Variants in ATP9A observed in about 807,000 individuals in gnomAD.
The protein encoded by ATP9A is probable phospholipid-transporting ATPase IIA.
ATP9A carries 52 observed loss-of-function variants against 144.1 expected under a neutral mutation model. That is an observed-to-expected ratio of 0.36 (90% CI 0.29 to 0.45). The LOEUF (loss-of-function observed/expected upper bound fraction) is 0.45. Ranked by LOEUF, ATP9A falls within the 20% of genes least tolerant of loss-of-function variation. The pLI is 1.00. For synonymous variants in ATP9A, 582 were observed against 557.4 expected (o/e 1.04, Z -0.62); for missense variants, 947 against 1,392.7 (o/e 0.68, Z 5.09).
intron 9 of ATP9A, among the ~76,000 whole-genome samples, chr20:51,682,406 C>T (rs78670050): frequency 0.02 from 3,085 of 151,940 alleles, 108 homozygotes; most frequent in African/African-American, 0.07. Flanking sequence ...GAGATGAGCA[C>T]ATGACAGGTA....
At chr20:51,700,191 C>G (rs2077587547) in intron 4 of ATP9A, among the ~76,000 whole-genome samples, 1 of 152,142 alleles carries the variant, frequency 6.6e-6, no homozygotes, top group South Asian at 2.1e-4. Flanking sequence ...AATACATTTA[C>G]AGAGAGACTG....
At chr20:51,711,979 C>T (rs759894069) in intron 4 of ATP9A, among the ~76,000 whole-genome samples, 5 of 151,140 alleles carry the variant, frequency 3.3e-5, no homozygotes, top group South Asian at 4.2e-4. Context: ...CCTCAGCCTC[C>T]GGAGTAGCTG....
intron 15 of ATP9A, among the ~76,000 whole-genome samples, chr20:51,638,558 G>A (rs1028303577): frequency 1.3e-5 from 2 of 152,042 alleles, no homozygotes; most frequent in Admixed American, 6.5e-5. Flanking sequence ...TGTGATCTCC[G>A]TGGGTAAAAA....
In ATP9A at chr20:51,732,127, G is replaced by A. The variant is rs547297577; in HGVS notation, c.69-2149C>T. ...CAGGTCACCCTCCCACGAGGCAAAGGAACACCTAGGAATCTGGGCTGCTCT... is the reference window on the plus strand; with the variant it reads ...CAGGTCACCCTCCCACGAGGCAAAGAAACACCTAGGAATCTGGGCTGCTCT... On this transcript the variant is annotated intron_variant, in intron 1 of 27. Transcript: ENST00000338821. 4.6e-5 allele frequency among the ~76,000 whole-genome samples: 7 copies of A among 152,236 alleles called. No individual in the cohort carries two copies. In the South Asian group the frequency reaches 6.2e-4, roughly 14 times the overall value.
chr20:51,673,535 C>T (rs546631234), intron 11 of ATP9A, among the ~76,000 whole-genome samples: 1 of 152,290 alleles, frequency 6.6e-6, no homozygotes, highest in East Asian at 1.9e-4. Context: ...CAAAATCCTT[C>T]TCAACACAGC....
At chr20:51,702,909 T>C (rs1277939234) in intron 4 of ATP9A, among the ~76,000 whole-genome samples, 1 of 152,124 alleles carries the variant, frequency 6.6e-6, no homozygotes, top group East Asian at 1.9e-4. Flanking sequence ...GCAGGAACTC[T>C]CCCTACAATT....
At chr20:51,697,123 GA>G (rs1568825449) in intron 5 of ATP9A, among the ~76,000 whole-genome samples, 3 of 152,094 alleles carry the variant, frequency 2.0e-5, no homozygotes. Context: ...AAAACTTTAT[GA>G]TATTTTTTAT....
At chr20:51,637,306 TA>T (rs3029335) in intron 15 of ATP9A, among the ~76,000 whole-genome samples, 24,668 of 89,316 alleles carry the variant, frequency 0.28, 2,968 homozygotes, top group Middle Eastern at 0.3. Flanking sequence ...TCCCTAACAT[TA>T]AAAAAAAAAA....
chr20:51,760,532 G>C (rs1382149242), intron 1 of ATP9A, among the ~76,000 whole-genome samples: 1 of 151,412 alleles, frequency 6.6e-6, no homozygotes, highest in East Asian at 2.0e-4. Flanking sequence ...TTCGAGACTA[G>C]CCTGGCCAAC....
chr20:51,623,800 A>AG (rs1568790181), intron 18 of ATP9A, among the ~76,000 whole-genome samples: 44 of 144,308 alleles, frequency 3.0e-4, no homozygotes, highest in Admixed American at 1.4e-3. Flanking sequence ...AAAAAAAAAA[A>AG]AAAAGAAAGA....
At position 51,702,092 on chromosome 20, in the gene ATP9A, G is replaced by A. The variant is rs563416023; in HGVS notation, c.437-4610C>T. ...AGGCAGGTGGATCATGAGGTCAGGC[G>A]TTCGATACCAGCCTGGCCAACATAG... On this transcript the variant is annotated intron_variant, in intron 4 of 27. Transcript: ENST00000338821. 5.3e-5 allele frequency among the ~76,000 whole-genome samples: 8 copies of A among 151,998 alleles called. No homozygotes were observed. The South Asian group carries it at 8.3e-4, about 16-fold the overall frequency.
At chr20:51,643,627 A>C (rs1262365822) in intron 14 of ATP9A, among the ~76,000 whole-genome samples, 2 of 152,180 alleles carry the variant, frequency 1.3e-5, no homozygotes. Context: ...CAAATCTGCC[A>C]GTATGCTGAC....
At chr20:51,747,404 C>T (rs985410896) in intron 1 of ATP9A, among the ~76,000 whole-genome samples, 1 of 151,912 alleles carries the variant, frequency 6.6e-6, no homozygotes, top group African/African-American at 2.4e-5. Context: ...AGGGCAACAC[C>T]CCGGAAATGA....
chr20:51,651,410 A>T (rs1419376537), intron 14 of ATP9A, among the ~76,000 whole-genome samples: 1 of 144,914 alleles, frequency 6.9e-6, no homozygotes, highest in African/African-American at 2.5e-5. Flanking sequence ...TTTACATATT[A>T]TAAATATGCA....
intron 3 of ATP9A, among the ~76,000 whole-genome samples, chr20:51,722,629 G>A (rs963519760): frequency 1.8e-4 from 28 of 152,198 alleles, no homozygotes; most frequent in Non-Finnish European, 2.5e-4. Flanking sequence ...AATGCAAATC[G>A]AAACCACAAT....
At chr20:51,656,727 T>G (rs555008604) in intron 14 of ATP9A, among the ~76,000 whole-genome samples, 7 of 152,282 alleles carry the variant, frequency 4.6e-5, no homozygotes, top group Admixed American at 6.5e-5. Flanking sequence ...ATCTCTAACT[T>G]TCCTAATTCA....
At chr20:51,676,970 C>G (rs545027995) in intron 9 of ATP9A, among the ~76,000 whole-genome samples, 2 of 134,422 alleles carry the variant, frequency 1.5e-5, no homozygotes, top group Non-Finnish European at 3.1e-5. Context: ...CTCTGTTGCC[C>G]AGGCTAGAGT....
intron 13 of ATP9A, among the ~76,000 whole-genome samples, chr20:51,663,705 A>G (rs996874653): frequency 2.7e-5 from 4 of 150,886 alleles, no homozygotes; most frequent in African/African-American, 9.7e-5. Context: ...GAGGCAAGAG[A>G]ATGGCGTGAA....
intron 3 of ATP9A, among the ~76,000 whole-genome samples, chr20:51,720,320 A>G (rs2077683249): frequency 6.6e-6 from 1 of 152,328 alleles, no homozygotes; most frequent in African/African-American, 2.4e-5. Flanking sequence ...TTATGGTTTG[A>G]TTTTTATGTA....
Sources: gnomAD v4.1 joint callset for allele counts (sites outside exome capture counted in the v4.1 genomes callset) on GRCh38, gnomAD v4.1.1 for gene constraint, MANE v1.5 for transcripts, NCBI Gene and HGNC (gene_info 2026-07-23, HGNC 2026-07-21) for gene names.